Variants in RPS6KC1 observed in about 807,000 individuals in gnomAD.
The protein encoded by RPS6KC1 is ribosomal protein S6 kinase C1.
Under a neutral mutation model 103.8 loss-of-function variants are expected in RPS6KC1, and 54 were observed. The ratio of observed to expected loss-of-function variants is 0.52; its 90% CI spans 0.42 to 0.65. The LOEUF (loss-of-function observed/expected upper bound fraction) is 0.65. Ranked by LOEUF, RPS6KC1 falls within the 30% of genes least tolerant of loss-of-function variation. The probability of loss-of-function intolerance (pLI) is 0.00; values close to 1 mark genes in which losing one functional copy is unlikely to be tolerated. For synonymous variants in RPS6KC1, 439 were observed against 438.7 expected (o/e 1.00, Z -0.01); for missense variants, 1,151 against 1,253.8 (o/e 0.92, Z 1.24).
chr1:213,200,808 A>G (rs2093134608), intron 8 of RPS6KC1, among the ~76,000 whole-genome samples: 1 of 152,232 alleles, frequency 6.6e-6, no homozygotes, highest in Non-Finnish European at 1.5e-5. Context: ...AAGTGGGCAA[A>G]GGACATGAAC....
At chr1:213,853,506 T>C in the RPS6KC1 span, among the ~76,000 whole-genome samples, 9 of 152,330 alleles carry the variant, frequency 5.9e-5, no homozygotes, top group African/African-American at 2.2e-4. Flanking sequence ...TGTAGCTTCT[T>C]TTCATTGAAG....
intron 3 of RPS6KC1, among the ~76,000 whole-genome samples, chr1:213,080,258 T>C (rs944908360): frequency 4.6e-5 from 7 of 152,154 alleles, no homozygotes; most frequent in African/African-American, 1.7e-4. Context: ...ATCTATTGAC[T>C]CACTACTCTG....
At chr1:213,103,361 A>G (rs1186860185) in intron 3 of RPS6KC1, among the ~76,000 whole-genome samples, 1 of 152,186 alleles carries the variant, frequency 6.6e-6, no homozygotes, top group Non-Finnish European at 1.5e-5. Context: ...GAACCATGAT[A>G]TTCTATTAAG....
the RPS6KC1 span, among the ~76,000 whole-genome samples, chr1:213,363,607 T>TCGC: frequency 4.3e-5 from 3 of 69,338 alleles, 1 homozygote; most frequent in East Asian, 3.9e-4. Flanking sequence ...GCTCGCTCGC[T>TCGC]TGCTTGCTTG....
the RPS6KC1 span, among the ~76,000 whole-genome samples, chr1:213,468,999 A>G: frequency 6.6e-6 from 1 of 152,204 alleles, no homozygotes; most frequent in Non-Finnish European, 1.5e-5. Context: ...CCTCAGAGAA[A>G]GCTTTCCCAG....
At chr1:213,215,550 A>T (rs2093636470) in intron 8 of RPS6KC1, among the ~76,000 whole-genome samples, 1 of 152,188 alleles carries the variant, frequency 6.6e-6, no homozygotes, top group South Asian at 2.1e-4. Flanking sequence ...ACTCCTCGAG[A>T]AGAGCAACTC....
chr1:213,285,173 C>A, the RPS6KC1 span, among the ~76,000 whole-genome samples: 1 of 152,184 alleles, frequency 6.6e-6, no homozygotes, highest in African/African-American at 2.4e-5. Context: ...GGGCTGCCTT[C>A]TGGGTTGTAG....
At chr1:213,347,694 A>G in the RPS6KC1 span, among the ~76,000 whole-genome samples, 1 of 152,198 alleles carries the variant, frequency 6.6e-6, no homozygotes. Flanking sequence ...ACAGAGTGAG[A>G]CCCTGTCCCT....
At chr1:213,401,413 C>T in the RPS6KC1 span, among the ~76,000 whole-genome samples, 10 of 152,192 alleles carry the variant, frequency 6.6e-5, no homozygotes, top group Admixed American at 2.6e-4. Flanking sequence ...TCCACTGACA[C>T]CCAGATGTTT....
the RPS6KC1 span, among the ~76,000 whole-genome samples, chr1:213,304,067 G>T: frequency 7.7e-3 from 1,152 of 150,408 alleles, 4 homozygotes; most frequent in Middle Eastern, 0.017. Flanking sequence ...TTAGCCGGGC[G>T]TAGTGGCGGG....
the RPS6KC1 span, among the ~76,000 whole-genome samples, chr1:213,807,110 C>T: frequency 0.019 from 2,927 of 150,380 alleles, 95 homozygotes; most frequent in African/African-American, 0.068. Flanking sequence ...TATTGGCCCC[C>T]ACTCTCTTCT....
chr1:213,081,078 T>C (rs2079835401), intron 3 of RPS6KC1, among the ~76,000 whole-genome samples: 1 of 152,240 alleles, frequency 6.6e-6, no homozygotes, highest in South Asian at 2.1e-4. Context: ...ATGCCTTTTG[T>C]GATAGCCAGC....
chr1:213,819,098 A>G, the RPS6KC1 span: 1 of 152,182 alleles, frequency 6.6e-6, no homozygotes, highest in Non-Finnish European at 1.5e-5. Flanking sequence ...CCTCACAACC[A>G]CCTGGAAAAT....
the RPS6KC1 span, among the ~76,000 whole-genome samples, chr1:213,636,971 C>T: frequency 6.6e-6 from 1 of 152,178 alleles, no homozygotes; most frequent in South Asian, 2.1e-4. Flanking sequence ...ACAGGCACTT[C>T]TCAAAAGAAG....
chr1:213,378,845 G>A, the RPS6KC1 span, among the ~76,000 whole-genome samples: 1 of 152,104 alleles, frequency 6.6e-6, no homozygotes, highest in East Asian at 1.9e-4. Context: ...CACCTCACAG[G>A]TCACCTGCCA....
the RPS6KC1 span, among the ~76,000 whole-genome samples, chr1:213,300,654 G>A: frequency 6.6e-6 from 1 of 152,178 alleles, no homozygotes; most frequent in Admixed American, 6.5e-5. Flanking sequence ...GGGCCAGGTC[G>A]TCTTGCTGGG....
At chr1:213,128,774 T>C (rs953166459) in intron 5 of RPS6KC1, among the ~76,000 whole-genome samples, 4 of 152,208 alleles carry the variant, frequency 2.6e-5, no homozygotes, top group Admixed American at 6.5e-5. Flanking sequence ...TGTGTAGTTG[T>C]TATATAGTTA....
the RPS6KC1 span, among the ~76,000 whole-genome samples, chr1:213,320,263 G>T: frequency 6.6e-6 from 1 of 152,248 alleles, no homozygotes; most frequent in Non-Finnish European, 1.5e-5. Context: ...AATTAGGAGA[G>T]TGATTCAGTC....
chr1:213,303,729 GGATAGCT>G, the RPS6KC1 span, among the ~76,000 whole-genome samples: 1 of 152,162 alleles, frequency 6.6e-6, no homozygotes, highest in East Asian at 1.9e-4. Flanking sequence ...GCCAACTTGA[GGATAGCT>G]CTATATTACC....
Sources: gnomAD v4.1 joint callset for allele counts (sites outside exome capture counted in the v4.1 genomes callset) on GRCh38, gnomAD v4.1.1 for gene constraint, MANE v1.5 for transcripts, NCBI Gene and HGNC (gene_info 2026-07-23, HGNC 2026-07-21) for gene names.